Variants in ANKRD44 observed in about 807,000 individuals in gnomAD.
The protein encoded by ANKRD44 is serine/threonine-protein phosphatase 6 regulatory ankyrin repeat subunit B.
Under a neutral mutation model 116.0 loss-of-function variants are expected in ANKRD44, and 35 were observed. That is an observed-to-expected ratio of 0.30 (90% confidence interval 0.23 to 0.40). The LOEUF (loss-of-function observed/expected upper bound fraction) is 0.40. Ranked by LOEUF, ANKRD44 falls within the 10% of genes least tolerant of loss-of-function variation. ANKRD44 has a pLI of 1.00. For synonymous variants in ANKRD44, 435 were observed against 461.8 expected, an observed-to-expected ratio of 0.94 and a Z score of 0.74; for missense variants, 1,014 against 1,242.6, an observed-to-expected ratio of 0.82 and a Z score of 2.77.
chr2:197,304,073 A>G (rs1238456851), intron 1 of ANKRD44, among the ~76,000 whole-genome samples: 1 of 152,190 alleles, frequency 6.6e-6, no homozygotes, highest in Non-Finnish European at 1.5e-5. Context: ...TGGGAGGCTG[A>G]GGCAGGCAGA....
intron 16 of ANKRD44, among the ~76,000 whole-genome samples, chr2:197,056,898 A>G (rs1313449685): frequency 6.6e-6 from 1 of 152,220 alleles, no homozygotes; most frequent in Non-Finnish European, 1.5e-5. Context: ...ACTTAATTAC[A>G]TCTGCAAAAT....
chr2:197,180,322 C>G (rs534031822), intron 2 of ANKRD44, among the ~76,000 whole-genome samples: 19 of 152,124 alleles, frequency 1.2e-4, no homozygotes, highest in Non-Finnish European at 2.4e-4. Flanking sequence ...CTTTTGGAAC[C>G]GACATTTAAC....
At chr2:197,087,167 T>G (rs1303909075) in intron 12 of ANKRD44, among the ~76,000 whole-genome samples, 2 of 152,216 alleles carry the variant, frequency 1.3e-5, no homozygotes, top group Non-Finnish European at 2.9e-5. Flanking sequence ...CGTTACCTTC[T>G]ATCACAGCAG....
At chr2:197,080,957 T>C (rs2077780315) in intron 15 of ANKRD44, among the ~76,000 whole-genome samples, 1 of 152,242 alleles carries the variant, frequency 6.6e-6, no homozygotes, top group African/African-American at 2.4e-5. Flanking sequence ...GAATATTGAC[T>C]ATGTGCTAGG....
intron 3 of ANKRD44, among the ~76,000 whole-genome samples, chr2:197,146,630 T>C (rs1485257118): frequency 2.6e-5 from 4 of 152,068 alleles, no homozygotes; most frequent in African/African-American, 7.2e-5. Flanking sequence ...ATGTAGTGTG[T>C]ATATATACTC....
At chr2:197,151,471 A>G (rs1002243656) in intron 2 of ANKRD44, among the ~76,000 whole-genome samples, 1 of 152,250 alleles carries the variant, frequency 6.6e-6, no homozygotes, top group Non-Finnish European at 1.5e-5. Flanking sequence ...GGAGGAAGAG[A>G]TAATGAAGCA....
chr2:197,110,879 G>A, intron 8 of ANKRD44, 35 bp from the exon 9 acceptor site: 1 of 1,517,642 alleles, frequency 6.6e-7, no homozygotes, highest in Non-Finnish European at 9.2e-7. Flanking sequence ...AACAATGGAG[G>A]TGCTCATGAG....
intron 21 of ANKRD44, among the ~76,000 whole-genome samples, chr2:196,980,931 T>C (rs1483867066): frequency 6.6e-6 from 1 of 152,260 alleles, no homozygotes; most frequent in East Asian, 1.9e-4. Flanking sequence ...TCATTTATTT[T>C]GCTTCAATTC....
chr2:197,239,713 T>C (rs2082050299), intron 1 of ANKRD44, among the ~76,000 whole-genome samples: 1 of 152,236 alleles, frequency 6.6e-6, no homozygotes, highest in African/African-American at 2.4e-5. Context: ...TTGCAACATT[T>C]ACACTGTCCC....
intron 21 of ANKRD44, 91 bp downstream of exon 21, chr2:197,005,603 C>T (rs959072133): frequency 3.7e-5 from 43 of 1,162,918 alleles, no homozygotes; most frequent in African/African-American, 3.6e-4. Context: ...CCATGGTTTG[C>T]AGAATTACAT....
chr2:197,263,247 T>C, intron 1 of ANKRD44: 1 of 534,612 alleles, frequency 1.9e-6, no homozygotes, highest in Middle Eastern at 3.5e-4. Flanking sequence ...AGCTTGGTAG[T>C]CTCACGTCCC....
At chr2:197,003,996 C>CAG (rs1490713817) in intron 21 of ANKRD44, among the ~76,000 whole-genome samples, 1 of 152,158 alleles carries the variant, frequency 6.6e-6, no homozygotes, top group Admixed American at 6.5e-5. Context: ...CACACACACA[C>CAG]ACACAAACGC....
rs561332659 is a variant in ANKRD44, at chr2:197,278,514, G to A, written c.27+32064C>T. Among the ~76,000 whole-genome samples, 81 of 152,008 alleles carry A rather than the reference G, an allele frequency of 5.3e-4. No individual in the cohort carries two copies. In the Middle Eastern group the frequency reaches 0.014, roughly 26 times the overall value. On this transcript the variant is annotated intron_variant, in intron 1 of 27. Coordinates refer to ENST00000282272, the MANE Select transcript of ANKRD44 (RefSeq NM_001195144.2). ...TGGGACTACAGGCACGCACCACCACGCCCGGTTAATTTTTGTATTTTTAGT... is the reference window on the plus strand; with the variant it reads ...TGGGACTACAGGCACGCACCACCACACCCGGTTAATTTTTGTATTTTTAGT...
chr2:197,110,268 A>T (rs2078534843), intron 9 of ANKRD44, among the ~76,000 whole-genome samples: 1 of 152,032 alleles, frequency 6.6e-6, no homozygotes, highest in African/African-American at 2.4e-5. Context: ...GTGAGCCACC[A>T]CGCCCACCTA....
chr2:197,105,622 T>G (rs2078407404), intron 9 of ANKRD44, among the ~76,000 whole-genome samples: 1 of 152,224 alleles, frequency 6.6e-6, no homozygotes, highest in African/African-American at 2.4e-5. Flanking sequence ...ACGGTGAGCA[T>G]GTACTAATTT....
chr2:197,155,847 T>C (rs2079795469), intron 2 of ANKRD44, among the ~76,000 whole-genome samples: 1 of 152,192 alleles, frequency 6.6e-6, no homozygotes, highest in Non-Finnish European at 1.5e-5. Flanking sequence ...TGTCCACTCT[T>C]TGAAACACAC....
chr2:197,198,593 A>G (rs1347227762), intron 1 of ANKRD44, among the ~76,000 whole-genome samples: 1 of 151,876 alleles, frequency 6.6e-6, no homozygotes, highest in Non-Finnish European at 1.5e-5. Flanking sequence ...GGAGTTTGAG[A>G]CCAGCCTGGC....
chr2:196,997,040 C>T lies in ANKRD44; in HGVS notation c.2748+1297G>A, dbSNP rs2076025790. Among the ~76,000 whole-genome samples the T allele has an allele frequency of 1.3e-5, 2 of 151,726 alleles. 1 individual carries two copies. The highest frequency in any genetic ancestry group is 4.1e-4 in the South Asian group (2 of 4,822). The stretch of plus-strand genomic sequence containing the variant: ...CATTATTTATACAGGTTGAGCATCC[C>T]AAATTCGAAAATCTGAAATAAAAAA... On this transcript the variant is annotated intron_variant, in intron 25 of 27. Coordinates refer to ENST00000282272, the MANE Select transcript of ANKRD44 (RefSeq NM_001195144.2).
intron 1 of ANKRD44, among the ~76,000 whole-genome samples, chr2:197,240,374 CAAA>C (rs5837533): frequency 1.0e-4 from 10 of 96,614 alleles, no homozygotes; most frequent in Admixed American, 1.1e-4. Flanking sequence ...GGCTCCAGCT[CAAA>C]AAAAAAAAAA....
Sources: allele counts gnomAD v4.1 joint callset (sites outside exome capture counted in the v4.1 genomes callset), GRCh38; gene constraint gnomAD v4.1.1; transcripts MANE v1.5; gene names NCBI Gene and HGNC (gene_info 2026-07-23, HGNC 2026-07-21).